The following FYB1 variants were observed in gnomAD, a reference collection of about 807,000 sequenced individuals.
FYB1 encodes FYN binding protein 1.
In FYB1, 41 loss-of-function variants were observed where a neutral mutation model predicts 94.1. That is an observed-to-expected ratio of 0.44 (90% CI 0.34 to 0.57). The LOEUF (loss-of-function observed/expected upper bound fraction) is 0.57. FYB1 is among the 20% of genes least tolerant of loss of function. The pLI is 0.02. For missense variants in FYB1, 1,050 were observed against 976.8 expected, an observed-to-expected ratio of 1.07 and a Z score of -1.00; for synonymous variants, 367 against 353.2, an observed-to-expected ratio of 1.04 and a Z score of -0.44.
chr5:39,247,244 T>A (rs1751521899), intron 1 of FYB1, among the ~76,000 whole-genome samples: 1 of 151,456 alleles, frequency 6.6e-6, no homozygotes, highest in African/African-American at 2.4e-5. Context: ...GCCTAATGGA[T>A]TATAGTTCCC....
intron 2 of FYB1, among the ~76,000 whole-genome samples, chr5:39,192,966 C>T (rs1747494933): frequency 6.6e-6 from 1 of 152,234 alleles, no homozygotes; most frequent in Non-Finnish European, 1.5e-5. Flanking sequence ...TGTTCACCTC[C>T]TCCTCTAAGT....
chr5:39,141,875 A>G (rs1230804928), intron 3 of FYB1, among the ~76,000 whole-genome samples: 1 of 128,546 alleles, frequency 7.8e-6, no homozygotes, highest in African/African-American at 4.5e-5. Context: ...CTGTCTCAGA[A>G]AAAAAAAAAA....
intron 3 of FYB1, among the ~76,000 whole-genome samples, chr5:39,141,723 T>C (rs1194527740): frequency 6.6e-6 from 1 of 152,044 alleles, no homozygotes; most frequent in Non-Finnish European, 1.5e-5. Flanking sequence ...ATACAAAAAA[T>C]TAGCCTGGCA....
intron 13 of FYB1, among the ~76,000 whole-genome samples, chr5:39,123,199 T>A (rs936253179): frequency 6.6e-6 from 1 of 152,182 alleles, no homozygotes; most frequent in African/African-American, 2.4e-5. Flanking sequence ...GTTTAAATAC[T>A]CTCTGGTAGT....
intron 1 of FYB1, among the ~76,000 whole-genome samples, chr5:39,232,378 C>A (rs964083546): frequency 6.6e-6 from 1 of 152,152 alleles, no homozygotes; most frequent in South Asian, 2.1e-4. Context: ...ACCACTCTAC[C>A]CGTTCTCCTT....
intron 1 of FYB1, among the ~76,000 whole-genome samples, chr5:39,249,943 G>A (rs959541693): frequency 6.6e-6 from 1 of 152,154 alleles, no homozygotes; most frequent in Admixed American, 6.5e-5. Flanking sequence ...GGAGATGATT[G>A]GATCATGGGG....
chr5:39,232,171 C>T (rs1053492875), intron 1 of FYB1, among the ~76,000 whole-genome samples: 2 of 152,086 alleles, frequency 1.3e-5, no homozygotes, highest in Admixed American at 1.3e-4. Flanking sequence ...ACACACACTA[C>T]ACATGCACAC....
At chr5:39,116,004 A>G (rs1739530624) in intron 16 of FYB1, among the ~76,000 whole-genome samples, 1 of 152,200 alleles carries the variant, frequency 6.6e-6, no homozygotes, top group Admixed American at 6.5e-5. Context: ...CTTCCCAGGA[A>G]TAGACTTCAG....
upstream of FYB1, among the ~76,000 whole-genome samples, chr5:39,223,076 A>G (rs1160841294): frequency 6.6e-6 from 1 of 152,156 alleles, no homozygotes; most frequent in Non-Finnish European, 1.5e-5. Flanking sequence ...CCTATGTAAC[A>G]CACCTGCACA....
chr5:39,161,410 G>A (rs528504653), intron 2 of FYB1, among the ~76,000 whole-genome samples: 1 of 152,202 alleles, frequency 6.6e-6, no homozygotes, highest in South Asian at 2.1e-4. Flanking sequence ...GACCCCCATA[G>A]TCTAGTTACA....
intron 1 of FYB1, among the ~76,000 whole-genome samples, chr5:39,273,064 G>C (rs891399451): frequency 1.3e-5 from 2 of 152,182 alleles, no homozygotes; most frequent in Non-Finnish European, 2.9e-5. Flanking sequence ...TCCGGGAGGT[G>C]GGGGGCGCTT....
chr5:39,134,155 A>G, intron 9 of FYB1, 53 bp downstream of exon 9: 3 of 1,404,938 alleles, frequency 2.1e-6, no homozygotes, highest in East Asian at 2.3e-5. Context: ...AATATACAAA[A>G]TTTCTGACAA....
At chr5:39,190,768 T>TTGTGTGTGTGTGTGTGTGTGTGTG (rs3028815) in intron 2 of FYB1, among the ~76,000 whole-genome samples, 4 of 146,452 alleles carry the variant, frequency 2.7e-5, no homozygotes, top group African/African-American at 1.0e-4. Flanking sequence ...CCATGCTTAT[T>TTGTGTGTGTGTGTGTGTGTGTGTG]TGTGTGTGTG....
At chr5:39,117,835 C>G (rs1278578587) in intron 16 of FYB1, among the ~76,000 whole-genome samples, 1 of 152,064 alleles carries the variant, frequency 6.6e-6, no homozygotes, top group African/African-American at 2.4e-5. Flanking sequence ...TTTAAATACG[C>G]TTTCTTTTGA....
At chr5:39,135,236 A>T (rs988745059) in intron 7 of FYB1, among the ~76,000 whole-genome samples, 1 of 152,162 alleles carries the variant, frequency 6.6e-6, no homozygotes, top group Non-Finnish European at 1.5e-5. Context: ...GAACATGTGC[A>T]TGGGGTCAGG....
At position 39,126,048 on chromosome 5, in the gene FYB1, A is replaced by G. The variant is rs772233717; in HGVS notation, c.1995T>C (p.Ser665=). Residue 665 remains serine, a synonymous_variant, in exon 12 of 19, where the codon AGT becomes AGC. Transcript: ENST00000512982. ...CAGAGACTTTAGGTTTCTCTCGTATACTTTTCTTTCTGTCATCTTTTCCCT... is the reference window on the plus strand; with the variant it reads ...CAGAGACTTTAGGTTTCTCTCGTATGCTTTTCTTTCTGTCATCTTTTCCCT... ...MLKGKDDRKK[S]IREKPKVSDS... is the part of the protein sequence containing the mutation. The G allele has an allele frequency of 3.7e-6, 6 of 1,613,434 alleles. No homozygotes were observed. The highest frequency in any genetic ancestry group is 5.1e-6 in the Non-Finnish European group (6 of 1,179,610).
intron 2 of FYB1, chr5:39,170,239 G>T: frequency 1.0e-6 from 1 of 974,866 alleles, no homozygotes; most frequent in Non-Finnish European, 1.6e-6. Flanking sequence ...GTTGCTGGTG[G>T]TGGTGTCTTT....
chr5:39,136,329 A>G (rs1002517904), intron 7 of FYB1, among the ~76,000 whole-genome samples: 1 of 152,114 alleles, frequency 6.6e-6, no homozygotes, highest in Non-Finnish European at 1.5e-5. Context: ...TCGGCCTCCC[A>G]AAGTGCTGGG....
In FYB1 at chr5:39,159,916, C is replaced by T. The variant is rs76674228; in HGVS notation, c.1136-6312G>A. On this transcript the variant is annotated intron_variant, in intron 2 of 18. Transcript: ENST00000512982. Reference sequence around the variant, plus strand: ...CATCTTAAACATGGTCTGATATCTTCAACTCTATAGAAGAACAACAGTATC... The same window carrying T: ...CATCTTAAACATGGTCTGATATCTTTAACTCTATAGAAGAACAACAGTATC... Among the ~76,000 whole-genome samples, 1,598 of 152,264 alleles carry T rather than the reference C, an allele frequency of 0.01. 65 individuals are homozygous for T. The East Asian group carries it at 0.13, about 13-fold the overall frequency.
Sources: allele counts gnomAD v4.1 joint callset (sites outside exome capture counted in the v4.1 genomes callset), GRCh38; gene constraint gnomAD v4.1.1; transcripts MANE v1.5; gene names NCBI Gene and HGNC (gene_info 2026-07-23, HGNC 2026-07-21).